Variants in SCEL observed in about 807,000 individuals in gnomAD.
SCEL encodes the protein sciellin.
A neutral mutation model predicts 117.6 loss-of-function variants in SCEL; 113 were observed. That is an observed-to-expected ratio of 0.96 (90% CI 0.83 to 1.12). The LOEUF (loss-of-function observed/expected upper bound fraction) is 1.12. Ranked by LOEUF, SCEL falls within the 50% of genes most tolerant of loss-of-function variation. The pLI, the probability that SCEL is intolerant of heterozygous loss-of-function variation, is 0.00. For synonymous variants in SCEL, 270 were observed against 256.2 expected, an observed-to-expected ratio of 1.05 and a Z score of -0.51; for missense variants, 785 against 810.8, an observed-to-expected ratio of 0.97 and a Z score of 0.39.
intron 22 of SCEL, among the ~76,000 whole-genome samples, chr13:77,610,344 C>T (rs750042404): frequency 2.7e-5 from 4 of 150,430 alleles, no homozygotes; most frequent in South Asian, 4.2e-4. Context: ...CTCAGCTACT[C>T]GGGAGGCTGA....
At chr13:77,630,756 T>C (rs971945861) in intron 28 of SCEL, among the ~76,000 whole-genome samples, 1 of 152,192 alleles carries the variant, frequency 6.6e-6, no homozygotes, top group Non-Finnish European at 1.5e-5. Flanking sequence ...CAATACAATG[T>C]TTGGGTTTGT....
intron 7 of SCEL, 21 bp from the exon 8 acceptor site, chr13:77,569,347 ATTG>A: frequency 6.3e-7 from 1 of 1,593,618 alleles, no homozygotes; most frequent in Non-Finnish European, 8.6e-7. Context: ...AGTGGGATTA[ATTG>A]TTGTTCTTGT....
At chr13:77,599,099 GACCTATTGTGGTTGA>G (rs901264935) in intron 13 of SCEL, among the ~76,000 whole-genome samples, 1 of 152,146 alleles carries the variant, frequency 6.6e-6, no homozygotes, top group African/African-American at 2.4e-5. Context: ...CACCTCTATA[GACCTATTGTGGTTGA>G]CAGATCCCCA....
intron 1 of SCEL, among the ~76,000 whole-genome samples, chr13:77,540,776 G>A (rs994922605): frequency 6.6e-6 from 1 of 152,156 alleles, no homozygotes; most frequent in African/African-American, 2.4e-5. Flanking sequence ...TTATCAGTTC[G>A]ATTTTATCCT....
At chr13:77,548,673 C>T (rs1008958736) in intron 1 of SCEL, among the ~76,000 whole-genome samples, 5 of 152,118 alleles carry the variant, frequency 3.3e-5, no homozygotes, top group East Asian at 3.9e-4. Flanking sequence ...CATGGAGGCA[C>T]GGTTTTTTTC....
In SCEL at chr13:77,596,631, T is replaced by A. The variant is rs527966220; in HGVS notation, c.753-914T>A. Among the ~76,000 whole-genome samples the A allele has an allele frequency of 5.3e-5, 8 of 151,994 alleles. No homozygotes were observed. The South Asian group carries it at 1.7e-3, about 32-fold the overall frequency. On this transcript the variant is annotated intron_variant, in intron 12 of 32. Coordinates refer to ENST00000349847, the MANE Select transcript of SCEL (RefSeq NM_144777.3). ...TCCTTAACAAGGAAACTTGAATGCG[T>A]AACTACTGATTTGTGAACAGAAAAA... is the stretch of plus-strand genomic sequence containing the variant.
intron 9 of SCEL, among the ~76,000 whole-genome samples, chr13:77,585,382 G>C (rs1339846964): frequency 6.6e-6 from 1 of 152,176 alleles, no homozygotes. Context: ...AGAAGGAGGT[G>C]CTCCACAGCG....
chr13:77,565,698 T>C (rs958436211), intron 5 of SCEL, among the ~76,000 whole-genome samples: 3 of 152,218 alleles, frequency 2.0e-5, no homozygotes, highest in African/African-American at 7.2e-5. Context: ...CTTGTTTTAA[T>C]GAATATGAGA....
chr13:77,589,211 A>G lies in SCEL; in HGVS notation c.613A>G (p.Arg205Gly). Residue 205 changes from arginine (R) to glycine (G), a missense_variant, in exon 10 of 33, where the codon AGA becomes GGA. By Grantham distance (125) the Arg-to-Gly change is moderately radical (BLOSUM62 -2). Coordinates refer to ENST00000349847, the MANE Select transcript of SCEL (RefSeq NM_144777.3). ...SSPVSSPNQL[R>G]QDNRQIHPPK... ...TCCTGTTTCTTCTCCTAACCAGCTG[A>G]GACAGGATAATAGGTAAGACCTAGT... is the stretch of plus-strand genomic sequence containing the variant. The G allele has an allele frequency of 6.2e-7, 1 of 1,610,970 alleles. No homozygotes were observed. Among genetic ancestry groups the G allele is most frequent in the Non-Finnish European group, 8.5e-7 (1 of 1,177,238 alleles).
At chr13:77,624,005 GGTTGGTTCCTTCCACGGA>G (rs1180114816) in intron 27 of SCEL, among the ~76,000 whole-genome samples, 10 of 152,130 alleles carry the variant, frequency 6.6e-5, no homozygotes, top group African/African-American at 2.4e-4. Flanking sequence ...CTGTCAGCAG[GGTTGGTTCCTTCCACGGA>G]GTTGGTTCCT....
intron 19 of SCEL, 44 bp from the exon 20 acceptor site, chr13:77,608,012 T>A (rs770049000): frequency 1.4e-6 from 2 of 1,436,786 alleles, no homozygotes; most frequent in Admixed American, 3.6e-5. Flanking sequence ...AGTCTACCAT[T>A]GTTACGTGTT....
intron 11 of SCEL, among the ~76,000 whole-genome samples, 164 bp from the exon 12 acceptor site, chr13:77,593,350 A>G (rs2087029869): frequency 6.6e-6 from 1 of 150,460 alleles, no homozygotes; most frequent in Admixed American, 6.6e-5. Context: ...TCTGTGTGCC[A>G]TGAGCTGACA....
At chr13:77,613,259 C>A (rs914981972) in intron 23 of SCEL, among the ~76,000 whole-genome samples, 3 of 151,914 alleles carry the variant, frequency 2.0e-5, no homozygotes, top group Non-Finnish European at 4.4e-5. Flanking sequence ...TAAAACTGAA[C>A]AAATCAGTAA....
chr13:77,591,404 T>G lies in SCEL; in HGVS notation c.636T>G (p.His212Gln), dbSNP rs1035242777. The change falls in exon 11 of 33, where the codon CAT becomes CAG. Residue 212 changes from histidine to glutamine, a missense_variant. His to Gln is a conservative substitution (Grantham distance 24). Transcript: ENST00000349847. ...NQLRQDNRQI[H>Q]PPKPGVYTET... ...AACTTTGAAAATATAGGCAGATACA[T>G]CCACCTAAACCAGGTGTATATACAG... 6.3e-7 allele frequency: 1 copy of G among 1,579,812 alleles called. No individual in the cohort carries two copies. The highest frequency in any genetic ancestry group is 8.7e-7 in the Non-Finnish European group (1 of 1,150,858).
At chr13:77,546,615 C>A (rs1406202377) in intron 1 of SCEL, among the ~76,000 whole-genome samples, 1 of 151,728 alleles carries the variant, frequency 6.6e-6, no homozygotes, top group Non-Finnish European at 1.5e-5. Flanking sequence ...AACTTTTGGA[C>A]CTTCTATTTG....
intron 9 of SCEL, 142 bp downstream of exon 9, chr13:77,572,331 G>C (rs1030490754): frequency 1.5e-6 from 1 of 651,306 alleles, no homozygotes; most frequent in Admixed American, 3.0e-5. Flanking sequence ...AGAGTGTCCA[G>C]TGGTTGTAAG....
intron 15 of SCEL, 86 bp downstream of exon 15, chr13:77,599,834 G>T (rs2087529119): frequency 1.1e-6 from 1 of 938,448 alleles, no homozygotes; most frequent in Admixed American, 1.8e-5. Flanking sequence ...TAGTACAAGG[G>T]TCAGGCAGGC....
chr13:77,629,446 A>G (rs1305691916), intron 28 of SCEL, among the ~76,000 whole-genome samples: 3 of 152,082 alleles, frequency 2.0e-5, no homozygotes, highest in East Asian at 1.9e-4. Context: ...AGGTACTTTA[A>G]TGAATCAAAT....
At chr13:77,537,468 G>C (rs1324474372) in intron 1 of SCEL, among the ~76,000 whole-genome samples, 1 of 152,180 alleles carries the variant, frequency 6.6e-6, no homozygotes, top group South Asian at 2.1e-4. Context: ...TGGTTACCCA[G>C]CACATGTGGA....
Sources: allele counts gnomAD v4.1 joint callset (sites outside exome capture counted in the v4.1 genomes callset), GRCh38; gene constraint gnomAD v4.1.1; transcripts MANE v1.5; gene names NCBI Gene and HGNC (gene_info 2026-07-23, HGNC 2026-07-21).